The following PRR14 variants were observed in gnomAD, a reference collection of about 807,000 sequenced individuals.
PRR14 encodes proline-rich protein 14.
A neutral mutation model predicts 57.2 loss-of-function variants in PRR14; 33 were observed. The observed-to-expected ratio is 0.58, with a 90% CI of 0.44 to 0.77. The LOEUF is 0.77. Among genes scored for constraint, PRR14 ranks in the 30% least tolerant of loss-of-function variants. PRR14 has a pLI of 0.00. For missense variants in PRR14, 716 were observed against 788.1 expected (o/e 0.91, Z 1.10); for synonymous variants, 303 against 314.7 (o/e 0.96, Z 0.39).
chr16:30,651,015 G>A lies in PRR14; in HGVS notation c.-163G>A. 2.2e-6 allele frequency: 1 copy of A among 456,448 alleles called. No homozygotes were observed. Among genetic ancestry groups the A allele is most frequent in the South Asian group, 1.5e-5 (1 of 64,570 alleles). 28.3% of individuals were successfully genotyped at this position (456,448 alleles called of 1,614,324 possible). A position where few individuals can be genotyped will look rare whatever the true frequency, so the allele number is the denominator to read the frequency against. On this transcript the variant is annotated 5_prime_UTR_variant, in exon 1 of 12. Transcript: ENST00000300835. This position sits in a 1 kb window ranked among gnomAD's most constrained non-coding sequence, Gnocchi z 5.0. ...CAGTGGATCCCTGGGGATCTACGCT[G>A]AGTTCGGAGATGCTCCAGCTCGGGC...
chr16:30,655,836 GT>G lies in PRR14; in HGVS notation c.1407-29del. 1.2e-6 allele frequency: 2 copies of G among 1,612,498 alleles called. No individual in the cohort carries two copies. The highest frequency in any genetic ancestry group is 8.5e-7 in the Non-Finnish European group (1 of 1,178,474). ...TCCCTTCAGGCCCCACTGGCCCAAG[GT>G]TTCTCAGTGGCCTCTGCTCTTTGCT... On this transcript the variant is annotated intron_variant, in intron 10 of 11. Transcript: ENST00000300835. The surrounding 1 kb of genome is among the most constrained non-coding windows in gnomAD (Gnocchi z 4.6).
At position 30,651,257 on chromosome 16, in the gene PRR14, G is replaced by C; in HGVS notation, c.-51+130G>C. 3.0e-6 allele frequency: 1 copy of C among 329,770 alleles called. No homozygotes were observed. Among genetic ancestry groups the C allele is most frequent in the South Asian group, 2.5e-5 (1 of 40,360 alleles). The allele number at this position is 329,770 out of a possible 1,614,324, so 20.4% of individuals were successfully genotyped here. ...GAGGAGGATCGCAGAGGGATCCAGC[G>C]GAAATAGCCTCCCAGGACCGGGATC... On this transcript the variant is annotated intron_variant, in intron 1 of 11. Transcript: ENST00000300835. This position sits in a 1 kb window ranked among gnomAD's most constrained non-coding sequence, Gnocchi z 5.0.
Position 30,655,942 on chromosome 16 carries a change from G to A in PRR14, c.1478+3G>A, listed in dbSNP as rs760996883. 14 of 1,613,898 alleles carry A rather than the reference G, an allele frequency of 8.7e-6. No homozygotes were observed. The South Asian group carries it at 1.2e-4, about 14-fold the overall frequency. On this transcript the variant is annotated splice_donor_region_variant and intron_variant, in intron 11 of 11. Transcript: ENST00000300835. The surrounding 1 kb of genome is among the most constrained non-coding windows in gnomAD (Gnocchi z 4.6). The stretch of plus-strand genomic sequence containing the variant: ...TACCAATCACCCACAACCAGGAGGT[G>A]AGACACTTGGAAGGCTAGAGGGTGG...
In PRR14 at chr16:30,655,939, G is replaced by C. The variant is rs375818447; in HGVS notation, c.1478G>C (p.Arg493Thr). The C allele has an allele frequency of 4.3e-6, 7 of 1,614,088 alleles. No homozygotes were observed. The highest frequency in any genetic ancestry group is 5.9e-6 in the Non-Finnish European group (7 of 1,179,970). The part of the protein sequence containing the change: ...NKNYQSPTTR[R>T]TFETIFEEPR... ...AATTACCAATCACCCACAACCAGGA[G>C]GTGAGACACTTGGAAGGCTAGAGGG... The change falls in exon 11 of 12, where the codon AGG (arginine) becomes ACG (threonine). Residue 493 changes from arginine to threonine, a missense_variant and splice_region_variant. Arg to Thr is a moderately conservative substitution (Grantham distance 71). Coordinates refer to ENST00000300835, the MANE Select transcript of PRR14 (RefSeq NM_024031.5). This position sits in a 1 kb window ranked among gnomAD's most constrained non-coding sequence, Gnocchi z 4.6.
At chr16:30,652,427 G>A (rs2052322910) in intron 3 of PRR14, 1 of 558,802 alleles carries the variant, frequency 1.8e-6, no homozygotes. Flanking sequence ...TGACTCCACT[G>A]CACAGATAAG....
intron 3 of PRR14, chr16:30,652,450 A>C: frequency 3.5e-6 from 2 of 573,724 alleles, no homozygotes; most frequent in Non-Finnish European, 6.3e-6. Flanking sequence ...AAACTGGCCC[A>C]AAAAAGGCAG....
In PRR14 at chr16:30,654,888, GC is replaced by G; in HGVS notation, c.923del (p.Pro308GlnfsTer150). On this transcript the variant is annotated frameshift_variant, in exon 8 of 12. Coordinates refer to ENST00000300835, the MANE Select transcript of PRR14 (RefSeq NM_024031.5). LOFTEE classifies it high-confidence loss of function. ...AEGTASVSPR[P>X]PIRQWRTQDH... ...AGGGCACTGCGTCTGTCAGCCCCCG[GC>G]CCCCAATCCGCCAGTGGCGAACTCA... The G allele has an allele frequency of 6.2e-7, 1 of 1,610,346 alleles. No homozygotes were observed.
intron 6 of PRR14, 66 bp downstream of exon 6, chr16:30,653,474 C>A: frequency 6.7e-7 from 1 of 1,501,626 alleles, no homozygotes; most frequent in South Asian, 1.1e-5. Context: ...GTAGCCAGAG[C>A]TAGGGGCATC....
Position 30,651,407 on chromosome 16 carries a change from A to G in PRR14, c.-50-189A>G. The G allele has an allele frequency of 2.1e-6, 1 of 480,884 alleles. No individual in the cohort carries two copies. Among genetic ancestry groups the G allele is most frequent in the Non-Finnish European group, 3.7e-6 (1 of 272,974 alleles). 29.8% of individuals were successfully genotyped at this position (480,884 alleles called of 1,614,324 possible). A position where few individuals can be genotyped will look rare whatever the true frequency, so the allele number is the denominator to read the frequency against. On this transcript the variant is annotated intron_variant, in intron 1 of 11. Transcript: ENST00000300835. The surrounding 1 kb of genome is among the most constrained non-coding windows in gnomAD (Gnocchi z 5.0). The stretch of plus-strand genomic sequence containing the variant: ...GGCGGCAGGTGCCAGGCAGGGCGCG[A>G]GTGATCCGCTGATCGAGGCGGTGGC...
Position 30,654,142 on chromosome 16 carries a change from A to G in PRR14, c.549-88A>G, listed in dbSNP as rs1015777855. On this transcript the variant is annotated intron_variant, in intron 6 of 11. Transcript: ENST00000300835. ...AGGCTCTGTCTCAAAAAAAAAAAAAAAGAAGAAGCCTTAAGGGATAGGGGA... is the reference window on the plus strand; with the variant it reads ...AGGCTCTGTCTCAAAAAAAAAAAAAGAGAAGAAGCCTTAAGGGATAGGGGA... 5.1e-5 allele frequency: 46 copies of G among 896,958 alleles called. 1 individual carries two copies. The East Asian group carries it at 1.1e-3, about 22-fold the overall frequency. 55.6% of individuals were successfully genotyped at this position (896,958 alleles called of 1,614,324 possible). A position where few individuals can be genotyped will look rare whatever the true frequency, so the allele number is the denominator to read the frequency against.
At position 30,651,596 on chromosome 16, in the gene PRR14, G is replaced by C; in HGVS notation, c.-50G>C. 6.9e-7 allele frequency: 1 copy of C among 1,454,170 alleles called. No individual in the cohort carries two copies. The highest frequency in any genetic ancestry group is 9.3e-7 in the Non-Finnish European group (1 of 1,080,144). 90.1% of individuals were successfully genotyped at this position (1,454,170 alleles called of 1,614,324 possible). A position where few individuals can be genotyped will look rare whatever the true frequency, so the allele number is the denominator to read the frequency against. ...CTCCCCCGCTCCCCCCTTACCCCAG[G>C]CCGCAGCCTGGGATTCCCCAGGGAC... On this transcript the variant is annotated splice_region_variant and 5_prime_UTR_variant, in exon 2 of 12. Coordinates refer to ENST00000300835, the MANE Select transcript of PRR14 (RefSeq NM_024031.5). The surrounding 1 kb of genome is among the most constrained non-coding windows in gnomAD (Gnocchi z 5.0).
In PRR14 at chr16:30,652,987, C is replaced by A. The variant is rs2052329415; in HGVS notation, c.388C>A (p.Arg130=). 4 of 1,614,146 alleles carry A rather than the reference C, an allele frequency of 2.5e-6. No individual in the cohort carries two copies. In the East Asian group the frequency reaches 8.9e-5, roughly 36 times the overall value. ...CCGGACCTCTTCCACCCTGAGGCGG[C>A]GATCAAGGACAACCCCTGGCCCAGA... ...IHRTSSTLRR[R]SRTTPGPEEG... The change falls in exon 5 of 12, where the codon CGA becomes AGA. Residue 130 remains arginine, a synonymous_variant. Coordinates refer to ENST00000300835, the MANE Select transcript of PRR14 (RefSeq NM_024031.5).
Position 30,651,676 on chromosome 16 carries a change from C to T in PRR14, c.23+8C>T, listed in dbSNP as rs748253440. 2.5e-6 allele frequency: 4 copies of T among 1,611,492 alleles called. No individual in the cohort carries two copies. Among genetic ancestry groups the T allele is most frequent in the East Asian group, 2.2e-5 (1 of 44,828 alleles). On this transcript the variant is annotated splice_region_variant and intron_variant, in intron 2 of 11. Transcript: ENST00000300835. The surrounding 1 kb of genome is among the most constrained non-coding windows in gnomAD (Gnocchi z 5.0). ...CTTGCCCGGGGACTCCAGGTGAGAGCGTACCCGGGCGGCCCGCCTGTCTTG... is the reference window on the plus strand; with the variant it reads ...CTTGCCCGGGGACTCCAGGTGAGAGTGTACCCGGGCGGCCCGCCTGTCTTG...
Position 30,654,328 on chromosome 16 carries a change from G to A in PRR14, c.647G>A (p.Ser216Asn), listed in dbSNP as rs767526230. ...GCTCTGCCTGCAGACCCTCTGGAGA[G>A]CCCACCAACAGGTAAGGACTTGGGT... ...PSALPADPLESPPTAPDPALE... is the reference protein window; with the variant it reads ...PSALPADPLENPPTAPDPALE... The change falls in exon 7 of 12, where the codon AGC (serine) becomes AAC (asparagine). Residue 216 changes from serine to asparagine, a missense_variant. By Grantham distance (46) the Ser-to-Asn change is conservative (BLOSUM62 1). Transcript: ENST00000300835. 21 of 1,613,346 alleles carry A rather than the reference G, an allele frequency of 1.3e-5. No individual in the cohort carries two copies. In the Admixed American group the frequency reaches 3.3e-4, roughly 26 times the overall value.
At chr16:30,654,404 G>A in intron 7 of PRR14, 65 bp downstream of exon 7, 1 of 1,381,898 alleles carries the variant, frequency 7.2e-7, no homozygotes. Context: ...GAGCTTGGAA[G>A]TGTCAGGTAC....
At chr16:30,654,118 G>A in intron 6 of PRR14, 112 bp from the exon 7 acceptor site, 1 of 742,022 alleles carries the variant, frequency 1.3e-6, no homozygotes, top group Non-Finnish European at 2.3e-6. Flanking sequence ...CACAGAGCAA[G>A]GCTCTGTCTC....
chr16:30,655,676 C>T lies in PRR14; in HGVS notation c.1406+83C>T, dbSNP rs1233751899. 1.5e-5 allele frequency: 21 copies of T among 1,379,102 alleles called. No homozygotes were observed. Among genetic ancestry groups the T allele is most frequent in the Non-Finnish European group, 2.1e-5 (20 of 973,168 alleles). The allele number at this position is 1,379,102 out of a possible 1,614,324, so 85.4% of individuals were successfully genotyped here. A position where few individuals can be genotyped will look rare whatever the true frequency, so the allele number is the denominator to read the frequency against. The stretch of plus-strand genomic sequence containing the variant: ...CCTGAAGTATAGCTTTGTCTCCCCT[C>T]AGGGAGCACAGTCCAGCCTGAAAGA... On this transcript the variant is annotated intron_variant, in intron 10 of 11. Transcript: ENST00000300835. This position sits in a 1 kb window ranked among gnomAD's most constrained non-coding sequence, Gnocchi z 4.6.
Position 30,656,218 on chromosome 16 carries a change from T to C in PRR14, c.1665T>C (p.Asp555=), listed in dbSNP as rs1419913258. ...TVPPNVAPSP[D]VGPLLQQRLE... is the part of the protein sequence containing the mutation. Reference sequence around the variant, plus strand: ...CTCCCAATGTGGCCCCCAGCCCTGATGTGGGCCCCCTGCTCCAGCAGCGGC... The same window carrying C: ...CTCCCAATGTGGCCCCCAGCCCTGACGTGGGCCCCCTGCTCCAGCAGCGGC... Residue 555 remains aspartate, a synonymous_variant, in exon 12 of 12, where the codon GAT becomes GAC. Transcript: ENST00000300835. 4 of 1,613,414 alleles carry C rather than the reference T, an allele frequency of 2.5e-6. No homozygotes were observed. Among genetic ancestry groups the C allele is most frequent in the Non-Finnish European group, 3.4e-6 (4 of 1,179,944 alleles).
rs1300950366 is a variant in PRR14, at chr16:30,655,257, G to A, written c.1244+43G>A. 6.3e-7 allele frequency: 1 copy of A among 1,597,182 alleles called. No individual in the cohort carries two copies. The highest frequency in any genetic ancestry group is 8.6e-7 in the Non-Finnish European group (1 of 1,168,378). The stretch of plus-strand genomic sequence containing the variant: ...CCCCCTTGAAGCCTGGCTGCAGCCT[G>A]GTCCCAGCCTCCTTCCCTGAGTATC... On this transcript the variant is annotated intron_variant, in intron 8 of 11. Transcript: ENST00000300835. This position sits in a 1 kb window ranked among gnomAD's most constrained non-coding sequence, Gnocchi z 4.6.
Sources: gnomAD v4.1 joint callset for allele counts on GRCh38, gnomAD v4.1.1 for gene constraint, Gnocchi (gnomAD v3.1) non-coding constraint, MANE v1.5 for transcripts, NCBI Gene and HGNC (gene_info 2026-07-23, HGNC 2026-07-21) for gene names.